Variants in ANKRD17 observed in about 807,000 individuals in gnomAD.
The protein encoded by ANKRD17 is ankyrin repeat domain 17, also known as ankyrin repeat domain-containing protein 17.
ANKRD17 carries 19 observed loss-of-function variants against 229.7 expected under a neutral mutation model. The observed-to-expected ratio is 0.08, with a 90% CI of 0.06 to 0.12. The LOEUF (loss-of-function observed/expected upper bound fraction) is 0.12. Ranked by LOEUF, ANKRD17 falls within the 10% of genes least tolerant of loss-of-function variation. ANKRD17 has a pLI of 1.00. For missense variants in ANKRD17, 2,176 were observed against 3,176.8 expected, an observed-to-expected ratio of 0.68 and a Z score of 7.57; for synonymous variants, 1,112 against 1,146.1, an observed-to-expected ratio of 0.97 and a Z score of 0.60.
chr4:73,078,568 T>G (rs1721243634), intron 31 of ANKRD17, 74 bp downstream of exon 31: 1 of 1,491,212 alleles, frequency 6.7e-7, no homozygotes, highest in South Asian at 1.3e-5. Flanking sequence ...AAATGACTAT[T>G]AAAGTTAAAT....
intron 1 of ANKRD17, among the ~76,000 whole-genome samples, chr4:73,194,256 T>A (rs1405744763): frequency 6.6e-6 from 1 of 152,230 alleles, no homozygotes; most frequent in Non-Finnish European, 1.5e-5. Context: ...ATATGATTAA[T>A]GTCAGGATAA....
At chr4:73,127,194 A>C (rs1342671277) in intron 16 of ANKRD17, among the ~76,000 whole-genome samples, 2 of 152,148 alleles carry the variant, frequency 1.3e-5, no homozygotes, top group Admixed American at 1.3e-4. Flanking sequence ...TTCTGGGATG[A>C]GGGACTTCTG....
chr4:73,080,590 C>T (rs1721463438), intron 30 of ANKRD17: 1 of 152,110 alleles, frequency 6.6e-6, no homozygotes, highest in Non-Finnish European at 1.5e-5. Context: ...TGAAAGGCCA[C>T]ACCTAAACCT....
chr4:73,130,334 T>C (rs1432353710), intron 16 of ANKRD17, among the ~76,000 whole-genome samples: 1 of 152,194 alleles, frequency 6.6e-6, no homozygotes, highest in Non-Finnish European at 1.5e-5. Context: ...GGTAGCATAT[T>C]ATATATGTAT....
chr4:73,136,018 T>C (rs1291387039), intron 15 of ANKRD17, among the ~76,000 whole-genome samples: 1 of 152,194 alleles, frequency 6.6e-6, no homozygotes, highest in African/African-American at 2.4e-5. Flanking sequence ...ATTCTAAGTA[T>C]GATGTTGCTG....
intron 24 of ANKRD17, among the ~76,000 whole-genome samples, chr4:73,107,150 A>G (rs1175621843): frequency 6.6e-6 from 1 of 152,184 alleles, no homozygotes; most frequent in East Asian, 1.9e-4. Flanking sequence ...GCTAATATAT[A>G]GAGGGTCTAA....
At chr4:73,156,691 C>T (rs1210525983) in intron 3 of ANKRD17, among the ~76,000 whole-genome samples, 1 of 152,104 alleles carries the variant, frequency 6.6e-6, no homozygotes, top group Non-Finnish European at 1.5e-5. Context: ...CTCTCTCCTG[C>T]TGTGCCATGG....
In ANKRD17 at chr4:73,258,629, C is replaced by A; in HGVS notation, c.40G>T (p.Ala14Ser). ...GCCGGGGGGCTCCCTTCTCCTTCTG[C>A]AGCCGTCGCCGCCGCCACCGGAACC... ...ATVPVAAATA[A>S]EGEGSPPAVA... is the part of the protein sequence containing the mutation. Residue 14 changes from alanine (A) to serine (S), a missense_variant, in exon 1 of 34, where the codon GCA (alanine) becomes TCA (serine). Physicochemically the swap from Ala to Ser is moderately conservative, Grantham distance 99. Coordinates refer to ENST00000358602, the MANE Select transcript of ANKRD17 (RefSeq NM_032217.5). The A allele has an allele frequency of 6.7e-7, 1 of 1,487,844 alleles. No individual in the cohort carries two copies. Among genetic ancestry groups the A allele is most frequent in the Non-Finnish European group, 8.9e-7 (1 of 1,128,138 alleles). 92.2% of individuals were successfully genotyped at this position (1,487,844 alleles called of 1,614,324 possible).
chr4:73,230,552 T>C (rs915016216), intron 1 of ANKRD17, among the ~76,000 whole-genome samples: 1 of 152,212 alleles, frequency 6.6e-6, no homozygotes, highest in Non-Finnish European at 1.5e-5. Flanking sequence ...TTCTTGACAA[T>C]GTTTAATACT....
At chr4:73,203,957 GA>G (rs902725087) in intron 1 of ANKRD17, among the ~76,000 whole-genome samples, 11 of 151,906 alleles carry the variant, frequency 7.2e-5, no homozygotes, top group Non-Finnish European at 1.2e-4. Flanking sequence ...CCATGGGGGG[GA>G]AAAAACCATC....
intron 22 of ANKRD17, 28 bp downstream of exon 22, chr4:73,118,660 C>G (rs759912622): frequency 6.2e-7 from 1 of 1,610,716 alleles, no homozygotes; most frequent in African/African-American, 1.3e-5. Flanking sequence ...AAAAAACATC[C>G]AGGTAAATGA....
At chr4:73,181,402 T>C (rs1184702976) in intron 1 of ANKRD17, among the ~76,000 whole-genome samples, 1 of 151,904 alleles carries the variant, frequency 6.6e-6, no homozygotes, top group African/African-American at 2.4e-5. Flanking sequence ...GAAAAAGAGG[T>C]ATAAAAGTTC....
chr4:73,255,562 T>G (rs1303394093), intron 1 of ANKRD17, among the ~76,000 whole-genome samples: 3 of 152,226 alleles, frequency 2.0e-5, no homozygotes, highest in African/African-American at 7.2e-5. Flanking sequence ...TCTGCTGACA[T>G]GTCAGTAAAA....
At chr4:73,094,724 G>GTGTA (rs1553912547) in intron 27 of ANKRD17, among the ~76,000 whole-genome samples, 2 of 148,418 alleles carry the variant, frequency 1.3e-5, no homozygotes, top group African/African-American at 2.5e-5. Flanking sequence ...GTATATATGT[G>GTGTA]TATATATATA....
At chr4:73,235,493 A>C (rs1743420011) in intron 1 of ANKRD17, among the ~76,000 whole-genome samples, 1 of 152,236 alleles carries the variant, frequency 6.6e-6, no homozygotes, top group African/African-American at 2.4e-5. Context: ...TCTTAAGGGT[A>C]GTTTGACTAA....
chr4:73,086,944 A>ATATATATATATC (rs1254657374), intron 29 of ANKRD17, among the ~76,000 whole-genome samples: 1 of 90,440 alleles, frequency 1.1e-5, no homozygotes, highest in East Asian at 3.4e-4. Flanking sequence ...ATATATATAT[A>ATATATATATATC]TATATATATC....
intron 1 of ANKRD17, among the ~76,000 whole-genome samples, chr4:73,185,997 G>A (rs1159854163): frequency 6.6e-6 from 1 of 151,852 alleles, no homozygotes; most frequent in Non-Finnish European, 1.5e-5. Context: ...TGGCTCTCAA[G>A]TAAGCCTGGA....
At chr4:73,089,351 A>G (rs1722533182) in intron 29 of ANKRD17, among the ~76,000 whole-genome samples, 1 of 151,528 alleles carries the variant, frequency 6.6e-6, no homozygotes, top group African/African-American at 2.4e-5. Context: ...TTAAAAAAAA[A>G]AATTTTTTTT....
chr4:73,163,863 A>G (rs531949221), intron 2 of ANKRD17, among the ~76,000 whole-genome samples: 39 of 152,296 alleles, frequency 2.6e-4, no homozygotes, highest in African/African-American at 8.7e-4. Context: ...TTTCTTTAAT[A>G]AAAAAACTAA....
Sources: allele counts gnomAD v4.1 joint callset (sites outside exome capture counted in the v4.1 genomes callset), GRCh38; gene constraint gnomAD v4.1.1; transcripts MANE v1.5; gene names NCBI Gene and HGNC (gene_info 2026-07-23, HGNC 2026-07-21).